ALPK3: variants seen among roughly 807,000 people sequenced by gnomAD.
The protein encoded by ALPK3 is alpha-protein kinase 3.
ALPK3 carries 102 observed loss-of-function variants against 140.0 expected under a neutral mutation model. The ratio of observed to expected loss-of-function variants is 0.73; its 90% CI spans 0.62 to 0.86. ALPK3 has a LOEUF of 0.86. Ranked by LOEUF, ALPK3 falls within the 40% of genes least tolerant of loss-of-function variation. The pLI, the probability that ALPK3 is intolerant of heterozygous loss-of-function variation, is 0.00. For synonymous variants in ALPK3, 938 were observed against 898.5 expected (o/e 1.04, Z -0.79); for missense variants, 2,254 against 2,208.2 (o/e 1.02, Z -0.42).
Position 84,827,525 on chromosome 15 carries a change from C to A in ALPK3, c.224C>A (p.Thr75Asn), listed in dbSNP as rs563124052. 1 of 1,614,202 alleles carries A rather than the reference C, an allele frequency of 6.2e-7. No individual in the cohort carries two copies. The highest frequency in any genetic ancestry group is 8.5e-7 in the Non-Finnish European group (1 of 1,180,042). The change falls in exon 3 of 14, where the codon ACC becomes AAC. Residue 75 changes from threonine to asparagine, a missense_variant. Coordinates refer to ENST00000258888, the MANE Select transcript of ALPK3 (RefSeq NM_020778.5). The stretch of plus-strand genomic sequence containing the variant: ...ATCATTGCTCAGCTCACAGAGGAGA[C>A]CCAGCCGCTATTTGAGACCACGCTC... ...CSIIAQLTEE[T>N]QPLFETTLKS... is the part of the protein sequence containing the mutation.
In ALPK3 at chr15:84,862,701, G is replaced by C. The variant is rs1391284177; in HGVS notation, c.4196G>C (p.Gly1399Ala). 1 of 1,614,214 alleles carries C rather than the reference G, an allele frequency of 6.2e-7. No individual in the cohort carries two copies. Among genetic ancestry groups the C allele is most frequent in the South Asian group, 1.1e-5 (1 of 91,084 alleles). Reference protein sequence around the residue: ...AKGLADSGCWGDKLFGRLVSE... With the variant: ...AKGLADSGCWADKLFGRLVSE... The stretch of plus-strand genomic sequence containing the variant: ...GGTCTGGCTGACTCTGGCTGCTGGG[G>C]GGACAAGCTCTTTGGGCGACTGGTA... Residue 1399 changes from glycine to alanine, a missense_variant, in exon 10 of 14, where the codon GGG becomes GCG. Gly to Ala is a moderately conservative substitution (Grantham distance 60, BLOSUM62 0). Around this residue, in one of 3 missense-constraint regions of ALPK3, gnomAD observed 2,088 missense variants for 2,022.9 expected, o/e 1.03. Transcript: ENST00000258888.
chr15:84,849,460 C>T (rs1963776212), intron 5 of ALPK3, among the ~76,000 whole-genome samples: 1 of 152,158 alleles, frequency 6.6e-6, no homozygotes, highest in African/African-American at 2.4e-5. Flanking sequence ...ACAGAATACT[C>T]ATTCTTTTCA....
In ALPK3 at chr15:84,852,153, C is replaced by A. The variant is rs1001582143; in HGVS notation, c.1654-4239C>A. On this transcript the variant is annotated intron_variant, in intron 5 of 13. Coordinates refer to ENST00000258888, the MANE Select transcript of ALPK3 (RefSeq NM_020778.5). The stretch of plus-strand genomic sequence containing the variant: ...ACCGTAAGAGATTAACAACAATAAT[C>A]ATAAAATAGAACAACTATAGTAATA... Among the ~76,000 whole-genome samples, 6 of 152,238 alleles carry A rather than the reference C, an allele frequency of 3.9e-5. 1 individual carries two copies. The highest frequency in any genetic ancestry group is 6.5e-5 in the Admixed American group (1 of 15,284).
At position 84,869,355 on chromosome 15, in the gene ALPK3, C is replaced by T. The variant is rs1407825140; in HGVS notation, c.*899C>T. The stretch of plus-strand genomic sequence containing the variant: ...GTGAGAGCTGGTGTGAGGGTTGTGT[C>T]AGCAGCTGTAGCCAGAGAGAGGTGT... On this transcript the variant is annotated 3_prime_UTR_variant, in exon 14 of 14. Transcript: ENST00000258888. 1 of 152,292 alleles carries T rather than the reference C, an allele frequency of 6.6e-6. No individual in the cohort carries two copies. Among genetic ancestry groups the T allele is most frequent in the African/African-American group, 2.4e-5 (1 of 41,452 alleles). 9.4% of individuals were successfully genotyped at this position (152,292 alleles called of 1,614,324 possible). A position where few individuals can be genotyped will look rare whatever the true frequency, so the allele number is the denominator to read the frequency against.
intron 5 of ALPK3, among the ~76,000 whole-genome samples, chr15:84,850,158 A>G (rs1179085567): frequency 1.3e-5 from 2 of 151,966 alleles, no homozygotes; most frequent in African/African-American, 2.4e-5. Flanking sequence ...GCAGTTATTT[A>G]AAAATTATAA....
intron 1 of ALPK3, among the ~76,000 whole-genome samples, chr15:84,817,946 G>C (rs748594548): frequency 7.9e-5 from 12 of 151,882 alleles, no homozygotes; most frequent in Non-Finnish European, 1.8e-4. Flanking sequence ...GAAAGCCAGA[G>C]TGGCTGAAAT....
rs757130064 is a variant in ALPK3, at chr15:84,857,653, G to A, written c.2915G>A (p.Ser972Asn). The A allele has an allele frequency of 3.7e-6, 6 of 1,602,300 alleles. No homozygotes were observed. Among genetic ancestry groups the A allele is most frequent in the Non-Finnish European group, 5.1e-6 (6 of 1,171,886 alleles). ...CTGCTTCTGCTGCTGAAGCTGTCCA[G>A]CACAGAGACAAGTGGAGCAGGGGGA... ...NYLLLLLKLS[S>N]TETSGAGGES... Residue 972 changes from serine (S) to asparagine (N), a missense_variant, in exon 6 of 14, where the codon AGC becomes AAC. This residue lies in a region of ALPK3 where 2,088 missense variants were observed against 2,022.9 expected (regional missense o/e 1.03). Transcript: ENST00000258888.
chr15:84,829,668 A>G (rs1358023505), intron 3 of ALPK3, among the ~76,000 whole-genome samples: 1 of 152,230 alleles, frequency 6.6e-6, no homozygotes, highest in African/African-American at 2.4e-5. Flanking sequence ...CTGGGACTAC[A>G]GGCGCGTGCC....
chr15:84,844,975 G>A (rs1963712048), intron 5 of ALPK3, among the ~76,000 whole-genome samples: 1 of 152,312 alleles, frequency 6.6e-6, no homozygotes, highest in East Asian at 1.9e-4. Context: ...ATAAGATGGA[G>A]TAAATACACT....
Position 84,857,898 on chromosome 15 carries a change from GC to G in ALPK3, c.3163del (p.Ala1056LeufsTer21). On this transcript the variant is annotated frameshift_variant, in exon 6 of 14. Transcript: ENST00000258888. LOFTEE classifies it high-confidence loss of function. ...LDREVQAGRQ[A>X]LAAARGSWGP... is the part of the protein sequence containing the mutation. ...CCGTGAGGTGCAGGCTGGCCGCCAG[GC>G]CCTTGCTGCTGCCCGAGGCTCCTGG... 1 of 1,612,182 alleles carries G rather than the reference GC, an allele frequency of 6.2e-7. No homozygotes were observed. Among genetic ancestry groups the G allele is most frequent in the Non-Finnish European group, 8.5e-7 (1 of 1,179,482 alleles).
intron 3 of ALPK3, among the ~76,000 whole-genome samples, chr15:84,838,638 T>TTATTATTATTATTATTA (rs145586317): frequency 5.2e-4 from 73 of 139,490 alleles, no homozygotes; most frequent in East Asian, 1.5e-3. Context: ...ATTATTATTA[T>TTATTATTATTATTATTA]TGAGATGGAG....
At chr15:84,862,939 C>A in intron 10 of ALPK3, 24 bp downstream of exon 10, 3 of 1,604,036 alleles carry the variant, frequency 1.9e-6, no homozygotes, top group African/African-American at 2.7e-5. Flanking sequence ...TCTTCACACC[C>A]CATTCTTTTA....
chr15:84,821,692 C>T (rs1484200100), intron 1 of ALPK3, among the ~76,000 whole-genome samples: 1 of 152,094 alleles, frequency 6.6e-6, no homozygotes, highest in Non-Finnish European at 1.5e-5. Context: ...TCTCCCTCCC[C>T]CAGGTCCCCC....
At chr15:84,848,929 G>A (rs894357179) in intron 5 of ALPK3, among the ~76,000 whole-genome samples, 2 of 152,100 alleles carry the variant, frequency 1.3e-5, no homozygotes, top group African/African-American at 4.8e-5. Flanking sequence ...ATCACCTGAG[G>A]TCGGGAGTTC....
rs1297391124 is a variant in ALPK3, at chr15:84,868,396, T to A, written c.5058T>A (p.Thr1686=). Reference sequence around the variant, plus strand: ...CTCAGGCCTCAGAGCCAGTCACCACTCAGTTGTTGGGACAGCCTCCCACCC... The same window carrying A: ...CTCAGGCCTCAGAGCCAGTCACCACACAGTTGTTGGGACAGCCTCCCACCC... ...ATPQASEPVT[T]QLLGQPPTQE... Residue 1686 remains threonine, a synonymous_variant, in exon 14 of 14, where the codon ACT becomes ACA. Coordinates refer to ENST00000258888, the MANE Select transcript of ALPK3 (RefSeq NM_020778.5). The A allele has an allele frequency of 1.9e-6, 3 of 1,613,236 alleles. No individual in the cohort carries two copies. The South Asian group carries it at 3.3e-5, about 18-fold the overall frequency.
chr15:84,862,846 C>T lies in ALPK3; in HGVS notation c.4341C>T (p.Ser1447=). 2 of 1,614,156 alleles carry T rather than the reference C, an allele frequency of 1.2e-6. No homozygotes were observed. Among genetic ancestry groups the T allele is most frequent in the Non-Finnish European group, 1.7e-6 (2 of 1,180,030 alleles). The change falls in exon 10 of 14, where the codon TCC becomes TCT. Residue 1447 remains serine, a synonymous_variant. Transcript: ENST00000258888. ...GCCGCACGTGCATCATCAAGGTGTC[C>T]AGCCTGCTTGTGTTTGGGCCCAGCA... ...ESGRTCIIKV[S]SLLVFGPSSE...
At chr15:84,821,910 AGGGGTCAGGAAG>A (rs1338434649) in intron 1 of ALPK3, among the ~76,000 whole-genome samples, 1 of 152,156 alleles carries the variant, frequency 6.6e-6, no homozygotes, top group African/African-American at 2.4e-5. Context: ...GGGAAGGCTC[AGGGGTCAGGAAG>A]GACTGTTCAT....
At chr15:84,853,673 G>A (rs936078763) in intron 5 of ALPK3, among the ~76,000 whole-genome samples, 1 of 152,128 alleles carries the variant, frequency 6.6e-6, no homozygotes, top group Non-Finnish European at 1.5e-5. Flanking sequence ...GGAGGCTGAG[G>A]TGGGAGGATC....
intron 3 of ALPK3, among the ~76,000 whole-genome samples, chr15:84,835,130 G>T (rs930812521): frequency 7.2e-5 from 11 of 152,216 alleles, no homozygotes; most frequent in African/African-American, 2.7e-4. Flanking sequence ...GGAGACTGAG[G>T]CTGTGCTGGG....
Sources: gnomAD v4.1 joint callset for allele counts (sites outside exome capture counted in the v4.1 genomes callset) on GRCh38, gnomAD v4.1.1 for gene constraint, gnomAD v4.1.1 regional missense constraint, MANE v1.5 for transcripts, NCBI Gene and HGNC (gene_info 2026-07-23, HGNC 2026-07-21) for gene names.